The following EPHA6 variants were observed in gnomAD, a reference collection of about 807,000 sequenced individuals.
The protein encoded by EPHA6 is ephrin type-A receptor 6.
Under a neutral mutation model 112.0 loss-of-function variants are expected in EPHA6, and 50 were observed. The ratio of observed to expected loss-of-function variants is 0.45; its 90% CI spans 0.36 to 0.56. The LOEUF is 0.56. Ranked by LOEUF, EPHA6 falls within the 20% of genes least tolerant of loss-of-function variation. EPHA6 has a pLI of 0.00. For synonymous variants in EPHA6, 529 were observed against 490.7 expected (o/e 1.08, Z -1.03); for missense variants, 1,280 against 1,417.4 (o/e 0.90, Z 1.56).
At chr3:96,862,304 A>G (rs2036054714) in intron 1 of EPHA6, among the ~76,000 whole-genome samples, 1 of 151,872 alleles carries the variant, frequency 6.6e-6, no homozygotes, top group Non-Finnish European at 1.5e-5. Context: ...ATAAACCTCT[A>G]CTGATGTGCT....
intron 4 of EPHA6, among the ~76,000 whole-genome samples, chr3:97,242,919 C>T (rs1241696566): frequency 1.3e-5 from 2 of 151,746 alleles, no homozygotes; most frequent in South Asian, 2.1e-4. Flanking sequence ...CCTCTCACAG[C>T]ATACGGATTC....
At chr3:97,566,283 C>T (rs564162530) in intron 11 of EPHA6, among the ~76,000 whole-genome samples, 3 of 152,244 alleles carry the variant, frequency 2.0e-5, no homozygotes, top group South Asian at 2.1e-4. Context: ...TCACAAGGGA[C>T]GTGCCCCCAT....
At chr3:97,130,948 T>C (rs1237599633) in intron 3 of EPHA6, among the ~76,000 whole-genome samples, 1 of 152,136 alleles carries the variant, frequency 6.6e-6, no homozygotes, top group African/African-American at 2.4e-5. Context: ...TTGTAACCAC[T>C]TCTGTGCCAT....
chr3:96,894,658 G>A (rs2038162587), intron 2 of EPHA6, among the ~76,000 whole-genome samples: 1 of 152,074 alleles, frequency 6.6e-6, no homozygotes, highest in Non-Finnish European at 1.5e-5. Context: ...AAGACATACC[G>A]AGAATGTATA....
At chr3:97,461,501 A>T (rs188842823) in intron 7 of EPHA6, among the ~76,000 whole-genome samples, 1 of 152,172 alleles carries the variant, frequency 6.6e-6, no homozygotes, top group Non-Finnish European at 1.5e-5. Context: ...GTATCCAGCT[A>T]TCATGTGGTT....
intron 6 of EPHA6, among the ~76,000 whole-genome samples, chr3:97,421,363 CAAAAGAAAACACATTTTAAAG>C (rs2088616629): frequency 2.0e-5 from 3 of 152,052 alleles, no homozygotes; most frequent in Admixed American, 6.5e-5. Flanking sequence ...ACGTCAGCAT[CAAAAGAAAACACATTTTAAAG>C]AAGTTAAATT....
intron 10 of EPHA6, among the ~76,000 whole-genome samples, chr3:97,498,658 T>C (rs2092042752): frequency 6.6e-6 from 1 of 152,170 alleles, no homozygotes; most frequent in African/African-American, 2.4e-5. Context: ...TTTCCTTTAC[T>C]CTATAACAGT....
intron 1 of EPHA6, among the ~76,000 whole-genome samples, chr3:96,860,655 A>G (rs935870902): frequency 1.3e-5 from 2 of 152,102 alleles, no homozygotes; most frequent in Non-Finnish European, 1.5e-5. Context: ...AGCAATGGGG[A>G]ACATGTTCAA....
At chr3:97,490,206 T>A (rs992016825) in intron 10 of EPHA6, among the ~76,000 whole-genome samples, 14 of 152,264 alleles carry the variant, frequency 9.2e-5, no homozygotes, top group Admixed American at 2.6e-4. Context: ...CCAACAAAAA[T>A]CTTAATGAAG....
At chr3:97,613,570 T>C (rs1326667842) in intron 13 of EPHA6, among the ~76,000 whole-genome samples, 2 of 152,074 alleles carry the variant, frequency 1.3e-5, no homozygotes, top group Non-Finnish European at 2.9e-5. Context: ...CTCATACCAT[T>C]TGGGATCCTT....
chr3:97,545,277 T>C (rs1257074163), intron 11 of EPHA6, among the ~76,000 whole-genome samples: 1 of 152,200 alleles, frequency 6.6e-6, no homozygotes, highest in Non-Finnish European at 1.5e-5. Context: ...TTTGTTCTCG[T>C]TGGTTTCAAA....
Position 97,638,048 on chromosome 3 carries a change from T to C in EPHA6, c.2750T>C (p.Leu917Pro), listed in dbSNP as rs2093964812. ...TCTGATTTTGGTCTCTCCAGAGTGC[T>C]GGAAGATGATCCAGAAGCTGCTTAT... ...KVSDFGLSRVLEDDPEAAYTT... is the reference protein window; with the variant it reads ...KVSDFGLSRVPEDDPEAAYTT... The change falls in exon 14 of 18, where the codon CTG (leucine) becomes CCG (proline). Residue 917 changes from leucine (L) to proline (P), a missense_variant. Leu to Pro is a moderately conservative substitution (Grantham distance 98, BLOSUM62 -3). Around this residue, in one of 4 missense-constraint regions of EPHA6, gnomAD observed 878 missense variants for 999.7 expected, o/e 0.88. Coordinates refer to ENST00000389672, the MANE Select transcript of EPHA6 (RefSeq NM_001080448.3). The C allele has an allele frequency of 6.2e-7, 1 of 1,613,736 alleles. No homozygotes were observed. The highest frequency in any genetic ancestry group is 1.3e-5 in the African/African-American group (1 of 74,936).
chr3:96,829,946 C>T (rs1309605594), intron 1 of EPHA6, among the ~76,000 whole-genome samples: 4 of 108,256 alleles, frequency 3.7e-5, no homozygotes, highest in East Asian at 3.2e-4. Context: ...TGTGCGCGCG[C>T]GCGCACACAC....
intron 2 of EPHA6, among the ~76,000 whole-genome samples, chr3:96,926,754 G>T (rs1359957133): frequency 6.6e-6 from 1 of 152,194 alleles, no homozygotes; most frequent in African/African-American, 2.4e-5. Context: ...CTGATGCAAG[G>T]GGTGGGCTCC....
intron 5 of EPHA6, among the ~76,000 whole-genome samples, chr3:97,261,195 A>T (rs531262273): frequency 9.2e-5 from 14 of 152,272 alleles, no homozygotes; most frequent in African/African-American, 3.1e-4. Flanking sequence ...AGCATTTATT[A>T]TATGGCTAGT....
chr3:97,302,886 C>T (rs2081153490), intron 5 of EPHA6, among the ~76,000 whole-genome samples: 19 of 151,066 alleles, frequency 1.3e-4, no homozygotes, highest in Admixed American at 1.3e-3. Flanking sequence ...CTCAGTATAG[C>T]TTTTTTCTGC....
At chr3:97,249,170 G>T (rs1034555359) in intron 5 of EPHA6, among the ~76,000 whole-genome samples, 1 of 151,952 alleles carries the variant, frequency 6.6e-6, no homozygotes, top group African/African-American at 2.4e-5. Flanking sequence ...AACTAAGAAA[G>T]ATGCTGTATT....
chr3:96,961,088 TAAG>T (rs148662885), intron 2 of EPHA6, among the ~76,000 whole-genome samples: 1,872 of 152,312 alleles, frequency 0.012, 36 homozygotes, highest in African/African-American at 0.04. Context: ...CTAGAAGTAT[TAAG>T]AAGAGAGGGA....
intron 3 of EPHA6, among the ~76,000 whole-genome samples, chr3:97,195,488 C>G (rs1257438354): frequency 1.3e-5 from 2 of 151,804 alleles, no homozygotes; most frequent in Non-Finnish European, 2.9e-5. Context: ...ATAGGTTTAT[C>G]TTTTAGTCTT....
Sources: allele counts gnomAD v4.1 joint callset (sites outside exome capture counted in the v4.1 genomes callset), GRCh38; gene constraint gnomAD v4.1.1; regional missense constraint gnomAD v4.1.1; transcripts MANE v1.5; gene names NCBI Gene and HGNC (gene_info 2026-07-23, HGNC 2026-07-21).